MARCHF1: variants seen among roughly 807,000 people sequenced by gnomAD.
MARCHF1 encodes membrane associated ring-CH-type finger 1.
A neutral mutation model predicts 54.2 loss-of-function variants in MARCHF1; 40 were observed. The observed-to-expected ratio is 0.74, with a 90% confidence interval of 0.57 to 0.96. The LOEUF is 0.96. Among genes scored for constraint, MARCHF1 ranks in the 40% least tolerant of loss-of-function variants. The pLI, the probability that MARCHF1 is intolerant of heterozygous loss-of-function variation, is 0.00. For missense variants in MARCHF1, 586 were observed against 656.5 expected (o/e 0.89, Z 1.17); for synonymous variants, 236 against 236.3 (o/e 1.00, Z 0.01).
chr4:164,099,402 T>A (rs1299207182), intron 2 of MARCHF1, among the ~76,000 whole-genome samples: 1 of 152,192 alleles, frequency 6.6e-6, no homozygotes, highest in Non-Finnish European at 1.5e-5. Flanking sequence ...TTTTCTATAA[T>A]TGTACAAATT....
chr4:164,064,990 G>A (rs1039894207), intron 2 of MARCHF1, among the ~76,000 whole-genome samples: 1 of 152,120 alleles, frequency 6.6e-6, no homozygotes, highest in African/African-American at 2.4e-5. Flanking sequence ...TTGCATCCCA[G>A]GGATAAAGCC....
At chr4:164,314,931 T>C (rs534673975) in intron 1 of MARCHF1, among the ~76,000 whole-genome samples, 2 of 152,266 alleles carry the variant, frequency 1.3e-5, no homozygotes, top group South Asian at 4.1e-4. Flanking sequence ...TTTGATTACG[T>C]TCGCTAAAAA....
chr4:164,026,360 G>A (rs554160227), intron 2 of MARCHF1, among the ~76,000 whole-genome samples: 195 of 152,200 alleles, frequency 1.3e-3, no homozygotes, highest in Non-Finnish European at 2.4e-3. Flanking sequence ...ACAAAATCCA[G>A]TGGCACACTA....
intron 1 of MARCHF1, among the ~76,000 whole-genome samples, chr4:164,315,828 T>C (rs925678511): frequency 1.3e-5 from 2 of 152,184 alleles, no homozygotes; most frequent in African/African-American, 4.8e-5. Context: ...CGCTTTTAAA[T>C]ATAAGATATC....
rs1343872185 is a variant in MARCHF1, at chr4:163,612,385, A to G, written c.896T>C (p.Leu299Pro). 1 of 1,535,378 alleles carries G rather than the reference A, an allele frequency of 6.5e-7. No individual in the cohort carries two copies. The highest frequency in any genetic ancestry group is 2.0e-5 in the Admixed American group (1 of 50,954). The change falls in exon 7 of 10, where the codon CTG (leucine) becomes CCG (proline). Residue 299 changes from leucine to proline, a missense_variant. Transcript: ENST00000514618. The part of the protein sequence containing the change: ...FSETDSSTEI[L>P]GVPEGSKDMN... ...GTCCTTGCTGCCTTCTGGAACTCCCAGTATTTCAGTGCTGGAATCTGTTTC... is the reference window on the plus strand; with the variant it reads ...GTCCTTGCTGCCTTCTGGAACTCCCGGTATTTCAGTGCTGGAATCTGTTTC...
chr4:164,136,277 A>AG (rs1230158872), intron 1 of MARCHF1, among the ~76,000 whole-genome samples: 6 of 150,964 alleles, frequency 4.0e-5, no homozygotes, highest in Admixed American at 3.3e-4. Flanking sequence ...AAGTGGAAAA[A>AG]AAAAAAAAAA....
chr4:163,937,916 C>T (rs1751835164), intron 3 of MARCHF1, among the ~76,000 whole-genome samples: 1 of 152,168 alleles, frequency 6.6e-6, no homozygotes, highest in Non-Finnish European at 1.5e-5. Context: ...ACTCCATCCT[C>T]CACCCCTTGA....
chr4:164,132,816 T>C (rs959140374), intron 1 of MARCHF1, among the ~76,000 whole-genome samples: 2 of 152,180 alleles, frequency 1.3e-5, no homozygotes, highest in African/African-American at 4.8e-5. Flanking sequence ...TGTATATATG[T>C]ATGTATGTGT....
At chr4:164,327,905 G>A (rs1735324925) in intron 1 of MARCHF1, among the ~76,000 whole-genome samples, 1 of 152,152 alleles carries the variant, frequency 6.6e-6, no homozygotes, top group South Asian at 2.1e-4. Context: ...CCAGCATGAG[G>A]TATGTCATAT....
chr4:163,900,815 T>C (rs942649923), intron 3 of MARCHF1, among the ~76,000 whole-genome samples: 1 of 152,106 alleles, frequency 6.6e-6, no homozygotes, highest in African/African-American at 2.4e-5. Context: ...GTTCTTACAG[T>C]ACTTTCAAAA....
intron 3 of MARCHF1, among the ~76,000 whole-genome samples, chr4:163,974,999 A>AT (rs1366014511): frequency 6.6e-6 from 1 of 152,030 alleles, no homozygotes; most frequent in Non-Finnish European, 1.5e-5. Flanking sequence ...GGGACATAGG[A>AT]TTTTTTATGC....
At chr4:164,349,729 A>AATGTAATAT (rs888460008) in intron 1 of MARCHF1, among the ~76,000 whole-genome samples, 1 of 152,344 alleles carries the variant, frequency 6.6e-6, no homozygotes, top group Non-Finnish European at 1.5e-5. Flanking sequence ...CCTATAAAAG[A>AATGTAATAT]ATGTAATATA....
At chr4:163,802,001 C>T (rs372715902) in intron 4 of MARCHF1, among the ~76,000 whole-genome samples, 116 of 151,998 alleles carry the variant, frequency 7.6e-4, no homozygotes, top group African/African-American at 2.5e-3. Flanking sequence ...CCTCTGATTC[C>T]GGAAATCTCA....
intron 3 of MARCHF1, among the ~76,000 whole-genome samples, chr4:163,961,420 T>A (rs183081059): frequency 5.3e-4 from 81 of 152,128 alleles, no homozygotes; most frequent in Non-Finnish European, 1.0e-3. Flanking sequence ...ATATACTTCC[T>A]TTACTATTAA....
intron 4 of MARCHF1, among the ~76,000 whole-genome samples, chr4:163,798,449 C>T (rs1687031737): frequency 6.6e-6 from 1 of 152,128 alleles, no homozygotes; most frequent in Middle Eastern, 3.2e-3. Flanking sequence ...GCATTATCAA[C>T]ATAATGTCTT....
Position 163,898,794 on chromosome 4 carries a change from G to A in MARCHF1, c.-38-44625C>T, listed in dbSNP as rs139998866. Among the ~76,000 whole-genome samples the A allele has an allele frequency of 2.5e-3, 380 of 152,242 alleles. 1 individual carries two copies. Among genetic ancestry groups the A allele is most frequent in the African/African-American group, 8.6e-3 (358 of 41,548 alleles). On this transcript the variant is annotated intron_variant, in intron 3 of 9. Transcript: ENST00000514618. ...AGTCATGGAACTAACCTATGTGTCC[G>A]TCAACGATTGACTGGATAAAGAAAA... is the stretch of plus-strand genomic sequence containing the variant.
chr4:164,226,774 C>T (rs1239280669), intron 1 of MARCHF1, among the ~76,000 whole-genome samples: 1 of 151,986 alleles, frequency 6.6e-6, no homozygotes, highest in Admixed American at 6.6e-5. Context: ...CTTCCCTTCC[C>T]ACAGCTCATC....
chr4:164,367,168 CATGTCCAAATTTCTCCTT>C (rs1458536884), intron 1 of MARCHF1, among the ~76,000 whole-genome samples: 1 of 152,102 alleles, frequency 6.6e-6, no homozygotes, highest in Non-Finnish European at 1.5e-5. Flanking sequence ...CTTGCCTACT[CATGTCCAAATTTCTCCTT>C]ATTACATTTT....
intron 4 of MARCHF1, among the ~76,000 whole-genome samples, chr4:163,770,194 T>C (rs928061068): frequency 1.3e-5 from 2 of 152,092 alleles, no homozygotes; most frequent in Non-Finnish European, 1.5e-5. Flanking sequence ...TAGGGCAAGT[T>C]TTTGGGTAGT....
Sources: allele counts gnomAD v4.1 joint callset (sites outside exome capture counted in the v4.1 genomes callset), GRCh38; gene constraint gnomAD v4.1.1; transcripts MANE v1.5; gene names NCBI Gene and HGNC (gene_info 2026-07-23, HGNC 2026-07-21).